The following ANO2 variants were observed in gnomAD, a reference collection of about 807,000 sequenced individuals.
The protein encoded by ANO2 is anoctamin 2.
A neutral mutation model predicts 124.2 loss-of-function variants in ANO2; 101 were observed. That is an observed-to-expected ratio of 0.81 (90% CI 0.69 to 0.96). The LOEUF (loss-of-function observed/expected upper bound fraction) is 0.96, where lower values mean the gene tolerates loss of function less well. Ranked by LOEUF, ANO2 falls within the 40% of genes least tolerant of loss-of-function variation. ANO2 has a pLI of 0.00. For missense variants in ANO2, 1,293 were observed against 1,274.5 expected (o/e 1.01, Z -0.22); for synonymous variants, 486 against 482.5 (o/e 1.01, Z -0.09).
rs561793025 is a variant in ANO2 at position 5,866,218 on chromosome 12, C to T, written c.535-12077G>A. ...AGCAGCTTTCTCCTTCCGTCAGACT[C>T]TGGGGGATAACAGTGGCCATCGATT... On this transcript the variant is annotated intron_variant, in intron 3 of 24. Coordinates refer to ENST00000682330, the MANE Select transcript of ANO2 (RefSeq NM_001364791.2). 2.0e-5 allele frequency among the ~76,000 whole-genome samples: 3 copies of T among 152,300 alleles called. No individual in the cohort carries two copies. The East Asian group carries it at 5.8e-4, about 29-fold the overall frequency.
chr12:5,752,070 G>C (rs1591571186), intron 10 of ANO2, among the ~76,000 whole-genome samples: 1 of 152,118 alleles, frequency 6.6e-6, no homozygotes, highest in East Asian at 1.9e-4. Flanking sequence ...TTATTTTTAA[G>C]GCTGAATAAT....
intron 7 of ANO2, among the ~76,000 whole-genome samples, chr12:5,813,908 C>T (rs1311516094): frequency 6.6e-6 from 1 of 152,242 alleles, no homozygotes; most frequent in Admixed American, 6.5e-5. Context: ...AGACAGGGAA[C>T]ATGGCTTGAC....
rs974968663 is a variant in ANO2, at chr12:5,770,505, C to T, written c.1056-19535G>A. On this transcript the variant is annotated intron_variant, in intron 10 of 24. Transcript: ENST00000682330. ...AGGACAAAAACATGGAAGTAATCAT[C>T]TTTGGCTTTTTTAAAAAATCAAATT... Among the ~76,000 whole-genome samples the T allele has an allele frequency of 3.3e-5, 5 of 152,152 alleles. No homozygotes were observed. The East Asian group carries it at 5.8e-4, about 18-fold the overall frequency.
chr12:5,851,202 G>A (rs887292403), intron 4 of ANO2, among the ~76,000 whole-genome samples: 3 of 152,330 alleles, frequency 2.0e-5, no homozygotes, highest in East Asian at 1.9e-4. Flanking sequence ...AACTACAGAT[G>A]TAAGTTCCAA....
At chr12:5,705,011 T>G (rs371970091) in intron 14 of ANO2, among the ~76,000 whole-genome samples, 1 of 152,208 alleles carries the variant, frequency 6.6e-6, no homozygotes, top group Non-Finnish European at 1.5e-5. Flanking sequence ...ACTAACAGAT[T>G]GTACATTATT....
intron 14 of ANO2, among the ~76,000 whole-genome samples, chr12:5,710,876 C>G (rs1235409982): frequency 6.6e-6 from 1 of 152,004 alleles, no homozygotes; most frequent in Non-Finnish European, 1.5e-5. Flanking sequence ...GAAATTGATC[C>G]CTGGGCCGGG....
At position 5,681,878 on chromosome 12, in the gene ANO2, G is replaced by A. The variant is rs1357456628; in HGVS notation, c.1546-34077C>T. Among the ~76,000 whole-genome samples, 5 of 152,126 alleles carry A rather than the reference G, an allele frequency of 3.3e-5. No homozygotes were observed. In the East Asian group the frequency reaches 5.8e-4, roughly 18 times the overall value. On this transcript the variant is annotated intron_variant, in intron 14 of 24. Transcript: ENST00000682330. ...TCACTAGGCTCCCAAGAAAGCAGACGGTCTCTTGGAAGTTCCTTTCATGGG... is the reference window on the plus strand; with the variant it reads ...TCACTAGGCTCCCAAGAAAGCAGACAGTCTCTTGGAAGTTCCTTTCATGGG...
intron 10 of ANO2, among the ~76,000 whole-genome samples, chr12:5,789,921 C>T: frequency 6.6e-6 from 1 of 152,224 alleles, no homozygotes; most frequent in Admixed American, 6.5e-5. Flanking sequence ...GGGTGGAGAA[C>T]ATCACTCCAG....
chr12:5,806,007 G>A (rs1234165501), intron 9 of ANO2, 45 bp downstream of exon 9: 1 of 1,598,536 alleles, frequency 6.3e-7, no homozygotes, highest in Non-Finnish European at 8.6e-7. Context: ...CCCACCCGTA[G>A]TCTCGCATGC....
At chr12:5,936,052 C>A (rs1942636467) in intron 1 of ANO2, among the ~76,000 whole-genome samples, 1 of 152,156 alleles carries the variant, frequency 6.6e-6, no homozygotes, top group Non-Finnish European at 1.5e-5. Flanking sequence ...GGAGAAATGT[C>A]TATTCAGAGC....
chr12:5,911,246 G>A (rs1231161508), intron 3 of ANO2, among the ~76,000 whole-genome samples: 1 of 152,134 alleles, frequency 6.6e-6, no homozygotes, highest in Non-Finnish European at 1.5e-5. Flanking sequence ...CCAGCACCTA[G>A]TAGGTGCTCA....
At chr12:5,852,072 T>C (rs1048883905) in intron 4 of ANO2, 21 of 693,226 alleles carry the variant, frequency 3.0e-5, no homozygotes, top group Admixed American at 1.6e-4. Flanking sequence ...GAATAATATA[T>C]TGGAGTTAGA....
chr12:5,732,803 A>C, intron 13 of ANO2, 173 bp from the exon 14 acceptor site: 1 of 1,606,206 alleles, frequency 6.2e-7, no homozygotes, highest in Non-Finnish European at 8.5e-7. Flanking sequence ...TCCTAACATA[A>C]GAACACAACG....
chr12:5,933,416 C>T (rs1422802451), intron 1 of ANO2, among the ~76,000 whole-genome samples: 2 of 152,030 alleles, frequency 1.3e-5, no homozygotes, highest in African/African-American at 2.4e-5. Context: ...AGCAAGAGAA[C>T]AACATAATTA....
chr12:5,651,336 G>C (rs1322204372), intron 14 of ANO2, among the ~76,000 whole-genome samples: 1 of 152,214 alleles, frequency 6.6e-6, no homozygotes, highest in Non-Finnish European at 1.5e-5. Flanking sequence ...CAATAGGTGA[G>C]AGTGCTATTT....
rs368385506 is a variant in ANO2 at position 5,635,327 on chromosome 12, G to A, written c.1641C>T (p.Ile547=). The change falls in exon 16 of 25, where the codon ATC becomes ATT. Residue 547 remains isoleucine (I), a synonymous_variant. Coordinates refer to ENST00000682330, the MANE Select transcript of ANO2 (RefSeq NM_001364791.2). This position sits in a 1 kb window ranked among gnomAD's most constrained non-coding sequence, Gnocchi z 5.2. ...ILFMIALTFS[I]VFGVIVYRIT... is the part of the protein sequence containing the mutation. ...TTCGATACACTATCACCCCAAAGAC[G>A]ATTGAGAATGTCAGGGCAATCTGTT... The A allele has an allele frequency of 9.5e-6, 15 of 1,580,380 alleles. No homozygotes were observed. Among genetic ancestry groups the A allele is most frequent in the African/African-American group, 5.4e-5 (4 of 73,504 alleles).
chr12:5,613,831 C>CT (rs371402083), intron 17 of ANO2, among the ~76,000 whole-genome samples: 4 of 152,142 alleles, frequency 2.6e-5, no homozygotes, highest in African/African-American at 9.7e-5. Flanking sequence ...CCTCAGGATC[C>CT]TTTTTTCTTG....
At chr12:5,735,575 G>A (rs1195211220) in intron 13 of ANO2, among the ~76,000 whole-genome samples, 2 of 152,218 alleles carry the variant, frequency 1.3e-5, no homozygotes, top group Non-Finnish European at 2.9e-5. Context: ...ACTAGCAGAT[G>A]AGGATAAGAA....
intron 14 of ANO2, among the ~76,000 whole-genome samples, chr12:5,728,920 A>G (rs1950537789): frequency 6.6e-6 from 1 of 152,250 alleles, no homozygotes; most frequent in African/African-American, 2.4e-5. Context: ...TGCTGGGACA[A>G]CTGAATATCT....
Sources: gnomAD v4.1 joint callset for allele counts (sites outside exome capture counted in the v4.1 genomes callset) on GRCh38, gnomAD v4.1.1 for gene constraint, Gnocchi (gnomAD v3.1) non-coding constraint, MANE v1.5 for transcripts, NCBI Gene and HGNC (gene_info 2026-07-23, HGNC 2026-07-21) for gene names.